Variants in HMGA2 observed in about 807,000 individuals in gnomAD.
HMGA2 encodes high mobility group AT-hook 2, also known as high mobility group protein HMGI-C.
Under a neutral mutation model 19.1 loss-of-function variants are expected in HMGA2, and 8 were observed. The observed-to-expected ratio is 0.42, with a 90% confidence interval of 0.25 to 0.76. The LOEUF (loss-of-function observed/expected upper bound fraction) is 0.76. HMGA2 is among the 30% of genes least tolerant of loss of function. HMGA2 has a pLI of 0.28. For missense variants in HMGA2, 109 were observed against 136.3 expected (o/e 0.80, Z 1.00); for synonymous variants, 60 against 48.8 (o/e 1.23, Z -0.96).
At chr12:65,894,382 A>G (rs1382973680) in intron 3 of HMGA2, among the ~76,000 whole-genome samples, 1 of 152,202 alleles carries the variant, frequency 6.6e-6, no homozygotes, top group Non-Finnish European at 1.5e-5. Flanking sequence ...ATCTGGCAAG[A>G]TTTCAGAGAA....
intron 3 of HMGA2, among the ~76,000 whole-genome samples, chr12:65,912,728 G>A (rs1460271062): frequency 1.3e-5 from 2 of 152,150 alleles, no homozygotes; most frequent in Non-Finnish European, 2.9e-5. Context: ...ATCTATTCCT[G>A]GATTTAACGT....
At chr12:65,919,259 G>A (rs1362849979) in intron 3 of HMGA2, among the ~76,000 whole-genome samples, 1 of 152,136 alleles carries the variant, frequency 6.6e-6, no homozygotes, top group Admixed American at 6.5e-5. Flanking sequence ...ATATACATTT[G>A]GCATTTTGGT....
chr12:65,942,986 G>A lies in HMGA2; in HGVS notation c.250-8397G>A, dbSNP rs115233961. 5.7e-3 allele frequency among the ~76,000 whole-genome samples: 870 copies of A among 152,052 alleles called. 11 individuals are homozygous for A. Among genetic ancestry groups the A allele is most frequent in the African/African-American group, 0.02 (843 of 41,476 alleles). On this transcript the variant is annotated intron_variant, in intron 3 of 4. Transcript: ENST00000403681. ...ACTTTTTCATTTTCCCTATTATAAA[G>A]AAAATAGTCATCTCTTCTTTCATAC...
intron 3 of HMGA2, among the ~76,000 whole-genome samples, chr12:65,940,320 C>T (rs1251804816): frequency 6.6e-6 from 1 of 152,040 alleles, no homozygotes; most frequent in East Asian, 1.9e-4. Flanking sequence ...ACAAGATGCT[C>T]TTTATATTTC....
intron 2 of HMGA2, among the ~76,000 whole-genome samples, chr12:65,832,521 A>T (rs1870523070): frequency 6.6e-6 from 1 of 151,988 alleles, no homozygotes; most frequent in Non-Finnish European, 1.5e-5. Context: ...TTGAGAATAG[A>T]TGGGTGCTGA....
intron 3 of HMGA2, among the ~76,000 whole-genome samples, chr12:65,868,332 G>T (rs931465378): frequency 6.6e-6 from 1 of 151,620 alleles, no homozygotes; most frequent in Non-Finnish European, 1.5e-5. Flanking sequence ...TTCCCAAAAT[G>T]CCATTTTCAT....
At chr12:65,853,598 G>C (rs1871583277) in intron 3 of HMGA2, among the ~76,000 whole-genome samples, 1 of 152,134 alleles carries the variant, frequency 6.6e-6, no homozygotes, top group African/African-American at 2.4e-5. Flanking sequence ...ATGGCTGTCT[G>C]TGACCTTAGC....
rs377609006 is a variant in HMGA2 at position 65,896,215 on chromosome 12, AT to A, written c.250-55163del. 1.4e-4 allele frequency among the ~76,000 whole-genome samples: 22 copies of A among 152,270 alleles called. No homozygotes were observed. In the East Asian group the frequency reaches 3.1e-3, roughly 21 times the overall value. ...AAATGTTCATTGCATCTGAGATCCC[AT>A]TTTTGTCCCTTTATTTGCTCCAGAA... is the stretch of plus-strand genomic sequence containing the variant. On this transcript the variant is annotated intron_variant, in intron 3 of 4. Coordinates refer to ENST00000403681, the MANE Select transcript of HMGA2 (RefSeq NM_003483.6).
chr12:65,880,525 T>C (rs1873319709), intron 3 of HMGA2, among the ~76,000 whole-genome samples: 1 of 152,190 alleles, frequency 6.6e-6, no homozygotes, highest in Admixed American at 6.5e-5. Flanking sequence ...AGTCCCTGTA[T>C]ATTAAAGATA....
chr12:65,913,979 A>G (rs1410677281), intron 3 of HMGA2, among the ~76,000 whole-genome samples: 3 of 152,220 alleles, frequency 2.0e-5, no homozygotes, highest in African/African-American at 4.8e-5. Flanking sequence ...TCCCCCTGCA[A>G]CATGCTTTTT....
chr12:65,926,889 T>C (rs865891626), intron 3 of HMGA2, among the ~76,000 whole-genome samples: 2 of 152,270 alleles, frequency 1.3e-5, no homozygotes, highest in African/African-American at 2.4e-5. Context: ...CGCTGTTCAT[T>C]CCAGGAAAGG....
intron 3 of HMGA2, among the ~76,000 whole-genome samples, chr12:65,916,358 G>A (rs1435298798): frequency 2.6e-5 from 4 of 152,220 alleles, no homozygotes; most frequent in African/African-American, 9.7e-5. Flanking sequence ...TTTCCTGACA[G>A]CATGATGTAC....
At chr12:65,896,049 C>T (rs917213471) in intron 3 of HMGA2, among the ~76,000 whole-genome samples, 2 of 152,148 alleles carry the variant, frequency 1.3e-5, no homozygotes, top group South Asian at 2.1e-4. Context: ...AACTATATTC[C>T]TGTTGAGAAT....
At chr12:65,913,084 C>T (rs946810045) in intron 3 of HMGA2, among the ~76,000 whole-genome samples, 27 of 152,234 alleles carry the variant, frequency 1.8e-4, no homozygotes, top group African/African-American at 4.8e-4. Context: ...TTACACTAGA[C>T]GTTATTAAAA....
chr12:65,893,284 G>C (rs187592345), intron 3 of HMGA2, among the ~76,000 whole-genome samples: 31 of 152,326 alleles, frequency 2.0e-4, no homozygotes, highest in Non-Finnish European at 4.3e-4. Flanking sequence ...TGTGGTCACA[G>C]CTAAAACCTA....
intron 4 of HMGA2, chr12:65,952,266 A>T: frequency 1.1e-6 from 1 of 908,214 alleles, no homozygotes; most frequent in Non-Finnish European, 1.7e-6. Flanking sequence ...CTATCAAATT[A>T]AGTAGAACTC....
chr12:65,908,964 G>C (rs183053814), intron 3 of HMGA2, among the ~76,000 whole-genome samples: 3 of 152,106 alleles, frequency 2.0e-5, no homozygotes, highest in Admixed American at 2.0e-4. Context: ...GAACACATCC[G>C]CTGGCAGAAG....
chr12:65,948,738 C>T (rs749738490), intron 3 of HMGA2, among the ~76,000 whole-genome samples: 5 of 152,224 alleles, frequency 3.3e-5, no homozygotes, highest in African/African-American at 7.2e-5. Flanking sequence ...GTAGAAGTTC[C>T]GTGACACGGA....
At chr12:65,948,853 A>C (rs1029069772) in intron 3 of HMGA2, among the ~76,000 whole-genome samples, 1 of 152,194 alleles carries the variant, frequency 6.6e-6, no homozygotes, top group Non-Finnish European at 1.5e-5. Context: ...CAGCTCTTTC[A>C]GAGGATTTCA....
Sources: allele counts gnomAD v4.1 joint callset (sites outside exome capture counted in the v4.1 genomes callset), GRCh38; gene constraint gnomAD v4.1.1; transcripts MANE v1.5; gene names NCBI Gene and HGNC (gene_info 2026-07-23, HGNC 2026-07-21).